The following NCOA7 variants were observed in gnomAD, a reference collection of about 807,000 sequenced individuals.
NCOA7 encodes the protein nuclear receptor coactivator 7.
A neutral mutation model predicts 104.3 loss-of-function variants in NCOA7; 45 were observed. The observed-to-expected ratio is 0.43, with a 90% CI of 0.34 to 0.55. NCOA7 has a LOEUF of 0.55. Ranked by LOEUF, NCOA7 falls within the 20% of genes least tolerant of loss-of-function variation. The pLI is 0.02. For missense variants in NCOA7, 1,041 were observed against 1,119.7 expected, an observed-to-expected ratio of 0.93 and a Z score of 1.00; for synonymous variants, 398 against 402.3, an observed-to-expected ratio of 0.99 and a Z score of 0.13.
chr6:125,858,890 C>T (rs1321260725), intron 3 of NCOA7, among the ~76,000 whole-genome samples: 1 of 152,066 alleles, frequency 6.6e-6, no homozygotes, highest in Non-Finnish European at 1.5e-5. Context: ...TGTTCTCTAC[C>T]GCTAGATGGA....
chr6:125,920,147 A>G (rs1044364761), intron 11 of NCOA7, among the ~76,000 whole-genome samples: 2 of 152,234 alleles, frequency 1.3e-5, no homozygotes, highest in African/African-American at 2.4e-5. Flanking sequence ...TTTGTACAAT[A>G]TGATGTTTCT....
chr6:125,790,027 C>T (rs1774684792), upstream of NCOA7, among the ~76,000 whole-genome samples: 1 of 152,232 alleles, frequency 6.6e-6, no homozygotes, highest in African/African-American at 2.4e-5. Context: ...GCAGCTGATG[C>T]AAACCTTCCC....
intron 3 of NCOA7, among the ~76,000 whole-genome samples, chr6:125,859,485 G>T (rs10872302): frequency 0.37 from 55,585 of 151,958 alleles, 12,018 homozygotes; most frequent in East Asian, 0.49. Flanking sequence ...AAGTAATAAT[G>T]AATGTATCGA....
intron 2 of NCOA7, among the ~76,000 whole-genome samples, chr6:125,816,648 T>C (rs1319338016): frequency 1.3e-5 from 2 of 152,216 alleles, no homozygotes. Context: ...AAATAAGATC[T>C]CCAAAGTTTT....
intron 2 of NCOA7, among the ~76,000 whole-genome samples, chr6:125,843,869 A>G (rs1383427369): frequency 6.6e-6 from 1 of 152,238 alleles, no homozygotes; most frequent in Non-Finnish European, 1.5e-5. Context: ...ACATTCAACA[A>G]AGGGCTGTTT....
intron 7 of NCOA7, among the ~76,000 whole-genome samples, chr6:125,883,227 T>C (rs1783991260): frequency 6.6e-6 from 1 of 152,162 alleles, no homozygotes; most frequent in Non-Finnish European, 1.5e-5. Context: ...AACCAGTGAG[T>C]TCCTGTGGTC....
chr6:125,890,774 A>G lies in NCOA7; in HGVS notation c.2060A>G (p.Lys687Arg). The G allele has an allele frequency of 1.2e-5, 19 of 1,612,958 alleles. No homozygotes were observed. The highest frequency in any genetic ancestry group is 1.6e-5 in the Non-Finnish European group (19 of 1,179,536). ...AMVQQYGKRR[K>R]QPEYWFAVPR... ...GTCCAGCAGTACGGCAAACGGAGAA[A>G]GCAGCCAGAGTACTGGTTTGCTGTT... is the stretch of plus-strand genomic sequence containing the variant. Residue 687 changes from lysine (K) to arginine (R), a missense_variant, in exon 10 of 16, where the codon AAG (lysine) becomes AGG (arginine). Physicochemically the swap from Lys to Arg is conservative, Grantham distance 26. Around this residue, in one of 2 missense-constraint regions of NCOA7, gnomAD observed 914 missense variants for 942.7 expected, o/e 0.97. Coordinates refer to ENST00000392477, the MANE Select transcript of NCOA7 (RefSeq NM_181782.5).
At chr6:125,921,714 A>G (rs1787604262) in intron 12 of NCOA7, among the ~76,000 whole-genome samples, 1 of 152,232 alleles carries the variant, frequency 6.6e-6, no homozygotes, top group South Asian at 2.1e-4. Flanking sequence ...TAATTATTGC[A>G]GAGTTCCCAT....
At chr6:125,802,180 A>G (rs922379836) in intron 1 of NCOA7, 3 of 152,210 alleles carry the variant, frequency 2.0e-5, no homozygotes, top group African/African-American at 7.2e-5. Context: ...CTTTCTGGTA[A>G]GACTCCATGA....
chr6:125,790,444 G>T (rs1774720957), upstream of NCOA7, among the ~76,000 whole-genome samples: 1 of 152,214 alleles, frequency 6.6e-6, no homozygotes, highest in South Asian at 2.1e-4. Context: ...CTCGGGAGGC[G>T]CCACAAAGGG....
chr6:125,909,884 C>A (rs1002027659), intron 10 of NCOA7, among the ~76,000 whole-genome samples: 1 of 151,992 alleles, frequency 6.6e-6, no homozygotes, highest in African/African-American at 2.4e-5. Context: ...GGAAGCAGGG[C>A]CTTGCTCTAA....
At chr6:125,919,345 T>A (rs1787364151) in intron 11 of NCOA7, 1 of 1,612,758 alleles carries the variant, frequency 6.2e-7, no homozygotes, top group African/African-American at 1.3e-5. Context: ...GCCACACTTC[T>A]CACTGCTCAC....
intron 2 of NCOA7, among the ~76,000 whole-genome samples, chr6:125,821,101 G>T (rs1317826528): frequency 6.6e-6 from 1 of 152,138 alleles, no homozygotes; most frequent in African/African-American, 2.4e-5. Context: ...GAGTGGCCAG[G>T]CAGGGATTGG....
At chr6:125,830,596 G>T (rs1779080909) in intron 2 of NCOA7, among the ~76,000 whole-genome samples, 1 of 152,006 alleles carries the variant, frequency 6.6e-6, no homozygotes, top group South Asian at 2.1e-4. Context: ...GGGGCCTAGG[G>T]GTTGGGGTAC....
At chr6:125,862,037 CAAAAAAA>C (rs56389001) in intron 3 of NCOA7, among the ~76,000 whole-genome samples, 10 of 63,752 alleles carry the variant, frequency 1.6e-4, no homozygotes, top group Admixed American at 3.1e-4. Context: ...AACTCTTTCT[CAAAAAAA>C]AAAAAAAAAA....
chr6:125,872,608 G>C (rs1019523207), intron 3 of NCOA7, among the ~76,000 whole-genome samples: 1 of 152,260 alleles, frequency 6.6e-6, no homozygotes, highest in East Asian at 1.9e-4. Flanking sequence ...TTAGCCTGGG[G>C]TATTCATCTA....
Position 125,931,834 on chromosome 6 carries a change from C to T in NCOA7, c.*3063C>T, listed in dbSNP as rs973431324. ...ATTAGAACATGGGGGCGGTTTCCCC[C>T]ATGCTGTTCTCATGATAGTGAGGGA... is the stretch of plus-strand genomic sequence containing the variant. On this transcript the variant is annotated 3_prime_UTR_variant, in exon 16 of 16. Coordinates refer to ENST00000392477, the MANE Select transcript of NCOA7 (RefSeq NM_181782.5). The T allele has an allele frequency of 6.6e-6, 1 of 152,136 alleles. No individual in the cohort carries two copies. The highest frequency in any genetic ancestry group is 1.5e-5 in the Non-Finnish European group (1 of 68,038). The allele number at this position is 152,136 out of a possible 1,614,324, so 9.4% of individuals were successfully genotyped here.
At chr6:125,901,098 C>T (rs1215385921) in intron 10 of NCOA7, among the ~76,000 whole-genome samples, 1 of 152,226 alleles carries the variant, frequency 6.6e-6, no homozygotes, top group Non-Finnish European at 1.5e-5. Flanking sequence ...ATACAAGTGA[C>T]CAACGAAACT....
Position 125,855,144 on chromosome 6 carries a change from G to A in NCOA7, c.175G>A (p.Val59Met). 1 of 1,613,424 alleles carries A rather than the reference G, an allele frequency of 6.2e-7. No individual in the cohort carries two copies. ...AGAGCCAGACAAGTGCAACATTGCT[G>A]TGGAAGAGGAATATATGACTGATGA... ...VLEPDKCNIA[V>M]EEEYMTDEKK... Residue 59 changes from valine to methionine, a missense_variant, in exon 3 of 16, where the codon GTG (valine) becomes ATG (methionine). Physicochemically the swap from Val to Met is conservative, Grantham distance 21. This residue lies in a region of NCOA7 where 914 missense variants were observed against 942.7 expected (regional missense o/e 0.97). Transcript: ENST00000392477.
Sources: allele counts gnomAD v4.1 joint callset (sites outside exome capture counted in the v4.1 genomes callset), GRCh38; gene constraint gnomAD v4.1.1; regional missense constraint gnomAD v4.1.1; transcripts MANE v1.5; gene names NCBI Gene and HGNC (gene_info 2026-07-23, HGNC 2026-07-21).